B4GALNT3: variants seen among roughly 807,000 people sequenced by gnomAD.
B4GALNT3 encodes beta-1,4-N-acetyl-galactosaminyltransferase 3.
B4GALNT3 carries 86 observed loss-of-function variants against 120.2 expected under a neutral mutation model. That is an observed-to-expected ratio of 0.72 (90% CI 0.60 to 0.86). B4GALNT3 has a LOEUF of 0.86. Ranked by LOEUF, B4GALNT3 falls within the 40% of genes least tolerant of loss-of-function variation. The pLI is 0.00. For missense variants in B4GALNT3, 1,167 were observed against 1,298.9 expected (o/e 0.90, Z 1.56); for synonymous variants, 518 against 510.4 (o/e 1.01, Z -0.20).
chr12:557,386 G>A lies in B4GALNT3; in HGVS notation c.2381-222G>A, dbSNP rs144092131. Among the ~76,000 whole-genome samples, 245 of 152,260 alleles carry A rather than the reference G, an allele frequency of 1.6e-3. 2 individuals are homozygous for A. The highest frequency in any genetic ancestry group is 5.8e-3 in the African/African-American group (241 of 41,548). On this transcript the variant is annotated intron_variant, in intron 15 of 19. Transcript: ENST00000266383. ...TCGTGGGTCCCCTGCCTGGGAGGAG[G>A]GAACGTGGGGAGCAGGATGCAGAGG... is the stretch of plus-strand genomic sequence containing the variant.
chr12:537,075 C>G (rs1946868478), intron 3 of B4GALNT3, among the ~76,000 whole-genome samples: 1 of 152,196 alleles, frequency 6.6e-6, no homozygotes, highest in Non-Finnish European at 1.5e-5. Flanking sequence ...TTTAGCTCAG[C>G]ATGTCTCAAA....
At chr12:494,249 G>T (rs1478524118) in intron 1 of B4GALNT3, among the ~76,000 whole-genome samples, 1 of 150,220 alleles carries the variant, frequency 6.7e-6, no homozygotes, top group African/African-American at 2.5e-5. Flanking sequence ...CTGTACTCCA[G>T]CCTGGGCAGC....
rs755439037 is a variant in B4GALNT3, at chr12:536,231, A to T, written c.287A>T (p.Asp96Val). 2.5e-6 allele frequency: 4 copies of T among 1,614,002 alleles called. No homozygotes were observed. Among genetic ancestry groups the T allele is most frequent in the Non-Finnish European group, 1.7e-6 (2 of 1,179,886 alleles). Reference protein sequence around the residue: ...QRLSLEDHDIDQGVSSNSSYL... With the variant: ...QRLSLEDHDIVQGVSSNSSYL... Reference sequence around the variant, plus strand: ...TTCTTCCCCTAGGACCACGACATTGACCAAGGGGTGAGCAGTAACAGCAGC... The same window carrying T: ...TTCTTCCCCTAGGACCACGACATTGTCCAAGGGGTGAGCAGTAACAGCAGC... The change falls in exon 3 of 20, where the codon GAC becomes GTC. Residue 96 changes from aspartate to valine, a missense_variant. Asp to Val is a radical substitution (Grantham distance 152, BLOSUM62 -3). Transcript: ENST00000266383.
intron 1 of B4GALNT3, among the ~76,000 whole-genome samples, chr12:516,854 C>T (rs7136938): frequency 0.12 from 18,429 of 151,710 alleles, 1,846 homozygotes; most frequent in Admixed American, 0.28. Context: ...GTGGTGGAGA[C>T]GGAGGAGGGA....
At chr12:555,869 C>T (rs1003278145) in intron 14 of B4GALNT3, among the ~76,000 whole-genome samples, 6 of 152,020 alleles carry the variant, frequency 3.9e-5, no homozygotes, top group Admixed American at 2.0e-4. Flanking sequence ...ATGCAAGCTC[C>T]GCCTCCCGGG....
intron 1 of B4GALNT3, among the ~76,000 whole-genome samples, chr12:466,946 C>T (rs1050377388): frequency 4.0e-5 from 6 of 151,698 alleles, no homozygotes; most frequent in African/African-American, 7.3e-5. Context: ...GGGAGCACCA[C>T]GATGAAGACA....
chr12:511,263 C>CCTTCCACCTTCGACCTT (rs1359620976), intron 1 of B4GALNT3, among the ~76,000 whole-genome samples: 36 of 149,530 alleles, frequency 2.4e-4, no homozygotes, highest in Non-Finnish European at 4.2e-4. Flanking sequence ...CTGCCTTCCG[C>CCTTCCACCTTCGACCTT]CTTCCACCTT....
At chr12:466,314 G>A (rs1463275672) in intron 1 of B4GALNT3, among the ~76,000 whole-genome samples, 3 of 152,174 alleles carry the variant, frequency 2.0e-5, no homozygotes, top group Non-Finnish European at 4.4e-5. Context: ...CAGAGCAGCC[G>A]ACATAGCAGA....
intron 1 of B4GALNT3, among the ~76,000 whole-genome samples, chr12:464,179 A>G (rs964168203): frequency 6.6e-6 from 1 of 152,244 alleles, no homozygotes; most frequent in Admixed American, 6.5e-5. Context: ...CAGTGTTTTA[A>G]TAAGTGGTAC....
chr12:481,154 G>GC, intron 1 of B4GALNT3, among the ~76,000 whole-genome samples: 1 of 152,150 alleles, frequency 6.6e-6, no homozygotes, highest in Non-Finnish European at 1.5e-5. Flanking sequence ...CACCAGAGGT[G>GC]CCCCTGGAGG....
chr12:510,410 A>T (rs1946535235), intron 1 of B4GALNT3, among the ~76,000 whole-genome samples: 1 of 119,180 alleles, frequency 8.4e-6, no homozygotes, highest in African/African-American at 2.9e-5. Context: ...AGCTCCCCCG[A>T]TCCTCTTCCT....
intron 1 of B4GALNT3, among the ~76,000 whole-genome samples, chr12:505,812 G>A (rs1239976550): frequency 2.0e-5 from 3 of 152,118 alleles, no homozygotes; most frequent in Admixed American, 6.5e-5. Flanking sequence ...TAGGAGTTGG[G>A]GGAGGAGACT....
intron 1 of B4GALNT3, among the ~76,000 whole-genome samples, chr12:534,763 C>T (rs563688531): frequency 1.3e-5 from 2 of 152,342 alleles, no homozygotes; most frequent in East Asian, 1.9e-4. Flanking sequence ...TGCTGTTCCC[C>T]GGGCTCAGGG....
intron 1 of B4GALNT3, among the ~76,000 whole-genome samples, chr12:526,194 G>T (rs147250463): frequency 1.3e-5 from 2 of 152,278 alleles, no homozygotes; most frequent in African/African-American, 4.8e-5. Context: ...ATGTATCACA[G>T]CGGGTAGCAG....
intron 3 of B4GALNT3, among the ~76,000 whole-genome samples, 183 bp downstream of exon 3, chr12:536,478 TAAA>T (rs1049342005): frequency 6.6e-6 from 1 of 152,210 alleles, no homozygotes; most frequent in Admixed American, 6.5e-5. Flanking sequence ...ACTAGTGAAT[TAAA>T]AAAATTTTTA....
chr12:556,352 G>A (rs1947156039), intron 14 of B4GALNT3, among the ~76,000 whole-genome samples, 195 bp from the exon 15 acceptor site: 2 of 150,670 alleles, frequency 1.3e-5, no homozygotes, highest in Admixed American at 6.6e-5. Flanking sequence ...AGCTCAACAG[G>A]TACATTTTCA....
chr12:474,245 G>T (rs1184152558), intron 1 of B4GALNT3, among the ~76,000 whole-genome samples: 1 of 152,174 alleles, frequency 6.6e-6, no homozygotes, highest in African/African-American at 2.4e-5. Flanking sequence ...GAAAATGATC[G>T]TGGCTTTCTT....
intron 1 of B4GALNT3, among the ~76,000 whole-genome samples, chr12:525,895 G>A (rs184611830): frequency 3.9e-4 from 60 of 152,304 alleles, no homozygotes; most frequent in African/African-American, 1.4e-3. Flanking sequence ...GACTCTTTAG[G>A]ACACTGAAGA....
intron 1 of B4GALNT3, among the ~76,000 whole-genome samples, chr12:465,135 C>G (rs536971935): frequency 6.6e-5 from 10 of 152,284 alleles, no homozygotes; most frequent in Non-Finnish European, 7.4e-5. Context: ...GGGACTGTGT[C>G]TCATGCAGCT....
Sources: gnomAD v4.1 joint callset for allele counts (sites outside exome capture counted in the v4.1 genomes callset) on GRCh38, gnomAD v4.1.1 for gene constraint, MANE v1.5 for transcripts, NCBI Gene and HGNC (gene_info 2026-07-23, HGNC 2026-07-21) for gene names.